Variants in PCLO observed in about 807,000 individuals in gnomAD.
PCLO encodes the protein protein piccolo.
In PCLO, 82 loss-of-function variants were observed where a neutral mutation model predicts 427.5. That is an observed-to-expected ratio of 0.19 (90% CI 0.16 to 0.23). The LOEUF is 0.23. Ranked by LOEUF, PCLO falls within the 10% of genes least tolerant of loss-of-function variation. The pLI, the probability that PCLO is intolerant of heterozygous loss-of-function variation, is 1.00. For missense variants in PCLO, 6,239 were observed against 6,115.9 expected (o/e 1.02, Z -0.67); for synonymous variants, 2,357 against 2,155.4 (o/e 1.09, Z -2.59).
intron 3 of PCLO, among the ~76,000 whole-genome samples, chr7:83,104,744 T>C (rs909434363): frequency 3.9e-4 from 60 of 152,240 alleles, no homozygotes; most frequent in African/African-American, 1.4e-3. Flanking sequence ...CCTTAAAGTT[T>C]CATTAAATTT....
chr7:82,817,927 C>A (rs1791711081), intron 20 of PCLO, among the ~76,000 whole-genome samples: 1 of 152,064 alleles, frequency 6.6e-6, no homozygotes, highest in African/African-American at 2.4e-5. Flanking sequence ...TCAGGTTTTT[C>A]ACACTTAAAT....
chr7:82,796,299 C>T (rs963463238), intron 22 of PCLO, among the ~76,000 whole-genome samples: 16 of 152,226 alleles, frequency 1.1e-4, no homozygotes, highest in African/African-American at 3.9e-4. Context: ...ATTTTAGATT[C>T]ACGTAATTTA....
At position 82,950,299 on chromosome 7, in the gene PCLO, A is replaced by C. The variant is rs1344905336; in HGVS notation, c.10289T>G (p.Met3430Arg). ...TTTAAAACTTCGGGGATCATCTGTC[A>C]TATTTTCTCCCATGTCATCATACTG... ...RGQYDDMGEN[M>R]TDDPRSFKKI... Residue 3430 changes from methionine to arginine, a missense_variant, in exon 6 of 25, where the codon ATG (methionine) becomes AGG (arginine). By Grantham distance (91) the Met-to-Arg change is moderately conservative (BLOSUM62 -1). This residue lies in a region of PCLO where 4,677 missense variants were observed against 4,468.4 expected (regional missense o/e 1.05). Coordinates refer to ENST00000333891, the MANE Select transcript of PCLO (RefSeq NM_033026.6). 6.2e-7 allele frequency: 1 copy of C among 1,613,418 alleles called. No homozygotes were observed. The highest frequency in any genetic ancestry group is 1.3e-5 in the African/African-American group (1 of 74,770).
At chr7:82,821,444 T>C in intron 20 of PCLO, 1 of 985,550 alleles carries the variant, frequency 1.0e-6, no homozygotes, top group South Asian at 4.7e-5. Context: ...TGCACAGCAC[T>C]AAAGGGGTTT....
intron 6 of PCLO, among the ~76,000 whole-genome samples, chr7:82,931,363 C>A (rs143751448): frequency 2.6e-5 from 4 of 152,230 alleles, no homozygotes; most frequent in African/African-American, 9.6e-5. Context: ...TTATCAAACA[C>A]AGGCTAAGGT....
intron 10 of PCLO, among the ~76,000 whole-genome samples, chr7:82,865,520 C>A (rs4016490): frequency 0.26 from 38,948 of 151,736 alleles, 5,336 homozygotes; most frequent in Middle Eastern, 0.3. Flanking sequence ...AACAAAAAAC[C>A]CACAAATATA....
chr7:82,778,116 G>A (rs116805810), intron 22 of PCLO, among the ~76,000 whole-genome samples: 2,464 of 151,930 alleles, frequency 0.016, 83 homozygotes, highest in African/African-American at 0.057. Flanking sequence ...GACATGAACA[G>A]ACACATTTCA....
At chr7:82,908,348 T>G (rs1205743376) in intron 8 of PCLO, among the ~76,000 whole-genome samples, 1 of 150,394 alleles carries the variant, frequency 6.6e-6, no homozygotes, top group Non-Finnish European at 1.5e-5. Flanking sequence ...ATATCTACTT[T>G]ATGTGAGTTG....
At chr7:82,803,972 A>T (rs948997821) in intron 21 of PCLO, among the ~76,000 whole-genome samples, 3 of 152,194 alleles carry the variant, frequency 2.0e-5, no homozygotes, top group African/African-American at 7.2e-5. Flanking sequence ...TACTGCAGAC[A>T]TTCAAATATT....
chr7:83,053,242 G>T (rs1040547290), intron 3 of PCLO, among the ~76,000 whole-genome samples: 3 of 151,650 alleles, frequency 2.0e-5, no homozygotes, highest in Non-Finnish European at 1.5e-5. Context: ...CCCAGATTAG[G>T]CTTCACTAAA....
At chr7:83,029,434 T>C (rs1788600231) in intron 3 of PCLO, among the ~76,000 whole-genome samples, 1 of 140,828 alleles carries the variant, frequency 7.1e-6, no homozygotes, top group Non-Finnish European at 1.5e-5. Context: ...CCAGTTAGAA[T>C]GGCAATCATT....
intron 3 of PCLO, among the ~76,000 whole-genome samples, chr7:83,000,658 C>A (rs1380895722): frequency 6.6e-6 from 1 of 151,920 alleles, no homozygotes; most frequent in East Asian, 1.9e-4. Context: ...AGTCTAATGC[C>A]ACTTGCTCAC....
chr7:83,020,453 T>C (rs555675744), intron 3 of PCLO, among the ~76,000 whole-genome samples: 1 of 152,248 alleles, frequency 6.6e-6, no homozygotes, highest in Admixed American at 6.5e-5. Flanking sequence ...TCCTTATGAA[T>C]GGGTTAGTGC....
At chr7:83,032,841 T>C (rs563508348) in intron 3 of PCLO, among the ~76,000 whole-genome samples, 21 of 152,186 alleles carry the variant, frequency 1.4e-4, no homozygotes, top group African/African-American at 4.8e-4. Context: ...TGCAGGTGGG[T>C]GACAATGAAG....
intron 20 of PCLO, among the ~76,000 whole-genome samples, chr7:82,814,578 A>C (rs1220501808): frequency 1.3e-5 from 2 of 151,650 alleles, no homozygotes; most frequent in East Asian, 3.9e-4. Flanking sequence ...CTTAGAACTT[A>C]TTTAATAATC....
At position 82,754,895 on chromosome 7, in the gene PCLO, G is replaced by T. The variant is rs2129467357; in HGVS notation, c.*3680C>A. ...AACACATATATAGCTGTAGTTGGCT[G>T]ATTTTGGAATATTTGACATTGTAGC... is the stretch of plus-strand genomic sequence containing the variant. On this transcript the variant is annotated 3_prime_UTR_variant, in exon 25 of 25. Transcript: ENST00000333891. The T allele has an allele frequency of 6.6e-6, 1 of 152,072 alleles. No individual in the cohort carries two copies. The highest frequency in any genetic ancestry group is 2.1e-4 in the South Asian group (1 of 4,812). The allele number at this position is 152,072 out of a possible 1,614,324, so 9.4% of individuals were successfully genotyped here.
rs962832389 is a variant in PCLO at position 82,949,864 on chromosome 7, G to A, written c.10724C>T (p.Thr3575Ile). The stretch of plus-strand genomic sequence containing the variant: ...GGCACTCAGATATTGAGGACTTTGT[G>A]TGTCTGAATCTGCTTCTGTTTGACA... ...LGCQTEADSDTQSPQYLSATS... is the reference protein window; with the variant it reads ...LGCQTEADSDIQSPQYLSATS... Residue 3575 changes from threonine to isoleucine, a missense_variant, in exon 6 of 25, where the codon ACA (threonine) becomes ATA (isoleucine). Thr to Ile is a moderately conservative substitution (Grantham distance 89). This residue lies in a region of PCLO where 4,677 missense variants were observed against 4,468.4 expected (regional missense o/e 1.05). Transcript: ENST00000333891. 3 of 1,613,656 alleles carry A rather than the reference G, an allele frequency of 1.9e-6. No individual in the cohort carries two copies. The highest frequency in any genetic ancestry group is 2.5e-6 in the Non-Finnish European group (3 of 1,179,850).
rs2115646131 is a variant in PCLO, at chr7:82,822,514, T to A, written c.14772A>T (p.Gln4924His). The change falls in exon 20 of 25, where the codon CAA becomes CAT. Residue 4924 changes from glutamine (Q) to histidine (H), a missense_variant. By Grantham distance (24) the Gln-to-His change is conservative. This residue lies in a region of PCLO where 877 missense variants were observed against 925.5 expected (regional missense o/e 0.95). Coordinates refer to ENST00000333891, the MANE Select transcript of PCLO (RefSeq NM_033026.6). ...TTTTACTTGGTTGAATGCGGAGTTG[T>A]TGCACGGCAGCTTCGGCAGCAGCTA... ...AAIAAAEAAV[Q>H]QLRIQPTKPP... The A allele has an allele frequency of 1.4e-5, 23 of 1,613,838 alleles. No homozygotes were observed. The highest frequency in any genetic ancestry group is 1.9e-5 in the Non-Finnish European group (23 of 1,179,822).
chr7:82,807,906 T>A (rs903017570), intron 20 of PCLO, among the ~76,000 whole-genome samples: 1 of 152,054 alleles, frequency 6.6e-6, no homozygotes, highest in Non-Finnish European at 1.5e-5. Context: ...AGAATAGTTA[T>A]GTTTCTGAAT....
Sources: gnomAD v4.1 joint callset for allele counts (sites outside exome capture counted in the v4.1 genomes callset) on GRCh38, gnomAD v4.1.1 for gene constraint, gnomAD v4.1.1 regional missense constraint, MANE v1.5 for transcripts, NCBI Gene and HGNC (gene_info 2026-07-23, HGNC 2026-07-21) for gene names.